HEATR5A: variants seen among roughly 807,000 people sequenced by gnomAD.
The protein encoded by HEATR5A is HEAT repeat-containing protein 5A.
Under a neutral mutation model 218.8 loss-of-function variants are expected in HEATR5A, and 178 were observed. The observed-to-expected ratio is 0.81, with a 90% CI of 0.72 to 0.92. HEATR5A has a LOEUF of 0.92. HEATR5A is among the 40% of genes least tolerant of loss of function. HEATR5A has a pLI of 0.00. For synonymous variants in HEATR5A, 864 were observed against 871.6 expected (o/e 0.99, Z 0.15); for missense variants, 2,420 against 2,418.9 (o/e 1.00, Z -0.01).
intron 13 of HEATR5A, among the ~76,000 whole-genome samples, chr14:31,364,960 C>T (rs1460738163): frequency 3.9e-5 from 6 of 151,900 alleles, no homozygotes; most frequent in Admixed American, 6.6e-5. Flanking sequence ...CTGCAACCTC[C>T]GCCTCCCGAG....
intron 30 of HEATR5A, 23 bp downstream of exon 30, chr14:31,307,870 A>C (rs1445041803): frequency 3.2e-6 from 5 of 1,586,974 alleles, no homozygotes; most frequent in East Asian, 4.5e-5. Context: ...GAAGCCTTAC[A>C]AAAAAAACCC....
intron 10 of HEATR5A, among the ~76,000 whole-genome samples, chr14:31,382,967 A>G (rs2030055811): frequency 6.6e-6 from 1 of 151,744 alleles, no homozygotes; most frequent in Non-Finnish European, 1.5e-5. Flanking sequence ...CAGACCTGAA[A>G]CTAGCCATTG....
chr14:31,337,525 T>C lies in HEATR5A; in HGVS notation c.3318A>G (p.Ser1106=). Residue 1106 remains serine (S), a synonymous_variant, in exon 22 of 36, where the codon TCA becomes TCG. Coordinates refer to ENST00000543095, the MANE Select transcript of HEATR5A (RefSeq NM_015473.4). ...QLVQREAAEV[S]EHAVMLAKDS... ...CCTTAGCAAGCATAACAGCATGTTC[T>C]GAAACTTCAGCTGCTTCTCTTTGTA... The C allele has an allele frequency of 6.4e-7, 1 of 1,563,542 alleles. No individual in the cohort carries two copies. Among genetic ancestry groups the C allele is most frequent in the African/African-American group, 1.4e-5 (1 of 73,862 alleles).
intron 22 of HEATR5A, among the ~76,000 whole-genome samples, chr14:31,328,986 T>C (rs1900368745): frequency 6.6e-6 from 1 of 151,666 alleles, no homozygotes; most frequent in African/African-American, 2.4e-5. Flanking sequence ...AAGACGCATG[T>C]CTTACATGGC....
intron 22 of HEATR5A, among the ~76,000 whole-genome samples, chr14:31,328,972 G>A (rs1472487422): frequency 6.6e-6 from 1 of 152,100 alleles, no homozygotes; most frequent in African/African-American, 2.4e-5. Flanking sequence ...CATGGTGGAA[G>A]GGGAAGACGC....
chr14:31,383,012 C>T (rs1376316212), intron 10 of HEATR5A, among the ~76,000 whole-genome samples: 1 of 151,840 alleles, frequency 6.6e-6, no homozygotes, highest in Non-Finnish European at 1.5e-5. Context: ...TGGTTGGAAA[C>T]AGTATTTAGA....
intron 28 of HEATR5A, among the ~76,000 whole-genome samples, chr14:31,311,371 C>T (rs1350722436): frequency 6.6e-6 from 1 of 151,878 alleles, no homozygotes; most frequent in African/African-American, 2.4e-5. Flanking sequence ...TATGCGGTAA[C>T]ATACAAAAAC....
chr14:31,348,515 C>T (rs1018829130), intron 18 of HEATR5A, among the ~76,000 whole-genome samples: 5 of 152,040 alleles, frequency 3.3e-5, no homozygotes, highest in South Asian at 2.1e-4. Flanking sequence ...TCCAGGAGTT[C>T]GAGGCTGCAG....
rs755685242 is a variant in HEATR5A at position 31,374,843 on chromosome 14, G to C, written c.1834C>G (p.Leu612Val). 2 of 1,613,630 alleles carry C rather than the reference G, an allele frequency of 1.2e-6. No individual in the cohort carries two copies. The highest frequency in any genetic ancestry group is 4.5e-5 in the East Asian group (2 of 44,870). Residue 612 changes from leucine to valine, a missense_variant, in exon 12 of 36, where the codon CTG (leucine) becomes GTG (valine). By Grantham distance (32) the Leu-to-Val change is conservative (BLOSUM62 1). Coordinates refer to ENST00000543095, the MANE Select transcript of HEATR5A (RefSeq NM_015473.4). ...RGDSFTWQVTLEGRAGALCAI... is the reference protein window; with the variant it reads ...RGDSFTWQVTVEGRAGALCAI... ...CACAGTGCACCAGCTCGTCCTTCCA[G>C]GGTCACCTGCCATGTAAACGAATCT...
At chr14:31,383,047 T>A (rs1002084744) in intron 10 of HEATR5A, among the ~76,000 whole-genome samples, 7 of 152,030 alleles carry the variant, frequency 4.6e-5, no homozygotes, top group Admixed American at 3.9e-4. Context: ...ACTAGGGGTA[T>A]CCCTGACACT....
Position 31,301,736 on chromosome 14 carries a change from G to A in HEATR5A, c.5464+559C>T, listed in dbSNP as rs997713451. On this transcript the variant is annotated intron_variant, in intron 33 of 35. Coordinates refer to ENST00000543095, the MANE Select transcript of HEATR5A (RefSeq NM_015473.4). ...TTGAACTCCTGACCTCAAGTGATCCGCCAGCTTCGGCTTCCCAAAGTGCTG... is the reference window on the plus strand; with the variant it reads ...TTGAACTCCTGACCTCAAGTGATCCACCAGCTTCGGCTTCCCAAAGTGCTG... 3.3e-5 allele frequency among the ~76,000 whole-genome samples: 5 copies of A among 150,488 alleles called. 1 individual carries two copies. The highest frequency in any genetic ancestry group is 4.2e-4 in the South Asian group (2 of 4,750).
chr14:31,394,073 T>C lies in HEATR5A; in HGVS notation c.751A>G (p.Ile251Val). 2.0e-6 allele frequency: 3 copies of C among 1,524,960 alleles called. No homozygotes were observed. The highest frequency in any genetic ancestry group is 2.6e-6 in the Non-Finnish European group (3 of 1,142,556). 94.5% of individuals were successfully genotyped at this position (1,524,960 alleles called of 1,614,324 possible). ...LLGIILAKAV[I>V]SKHPGTAASR... The stretch of plus-strand genomic sequence containing the variant: ...TTACCTGTTCCTGGATGTTTAGAAA[T>C]TACAGCTTTAGCTAATATTATGCCT... Residue 251 changes from isoleucine to valine, a missense_variant, in exon 6 of 36, where the codon ATT (isoleucine) becomes GTT (valine). By Grantham distance (29) the Ile-to-Val change is conservative. Transcript: ENST00000543095.
intron 26 of HEATR5A, 63 bp from the exon 27 acceptor site, chr14:31,316,012 G>T: frequency 7.7e-7 from 1 of 1,296,608 alleles, no homozygotes; most frequent in South Asian, 1.6e-5. Flanking sequence ...GGCTGGGTGT[G>T]GTGGCTCATG....
At chr14:31,324,284 T>C (rs1399250722) in intron 23 of HEATR5A, among the ~76,000 whole-genome samples, 1 of 152,188 alleles carries the variant, frequency 6.6e-6, no homozygotes, top group African/African-American at 2.4e-5. Flanking sequence ...TTTCTTAGGA[T>C]AGACTCATTG....
intron 1 of HEATR5A, among the ~76,000 whole-genome samples, chr14:31,418,571 T>C (rs1324969831): frequency 6.6e-6 from 1 of 152,242 alleles, no homozygotes; most frequent in East Asian, 1.9e-4. Flanking sequence ...CAGGCAAGTC[T>C]TTACTAAGTT....
intron 10 of HEATR5A, among the ~76,000 whole-genome samples, chr14:31,381,153 C>T (rs1483023946): frequency 6.6e-6 from 1 of 152,062 alleles, no homozygotes; most frequent in Non-Finnish European, 1.5e-5. Flanking sequence ...GAGGCTGAGG[C>T]AGAAGAATCG....
At chr14:31,331,771 T>A (rs1360159114) in intron 22 of HEATR5A, among the ~76,000 whole-genome samples, 1 of 152,172 alleles carries the variant, frequency 6.6e-6, no homozygotes, top group Non-Finnish European at 1.5e-5. Flanking sequence ...ACGTTTTACA[T>A]GGCAGCAGGT....
At chr14:31,314,354 G>A (rs2139152909) in intron 27 of HEATR5A, among the ~76,000 whole-genome samples, 1 of 152,206 alleles carries the variant, frequency 6.6e-6, no homozygotes, top group Non-Finnish European at 1.5e-5. Flanking sequence ...CCGGGTTCAA[G>A]CAATTCTCCT....
At chr14:31,302,558 C>G in intron 32 of HEATR5A, 39 bp from the exon 33 acceptor site, 1 of 1,318,414 alleles carries the variant, frequency 7.6e-7, no homozygotes. Context: ...TGGATTTCAA[C>G]CTATATATAT....
Sources: gnomAD v4.1 joint callset for allele counts (sites outside exome capture counted in the v4.1 genomes callset) on GRCh38, gnomAD v4.1.1 for gene constraint, MANE v1.5 for transcripts, NCBI Gene and HGNC (gene_info 2026-07-23, HGNC 2026-07-21) for gene names.